Variants in TPH2 observed in about 807,000 individuals in gnomAD.
TPH2 encodes tryptophan hydroxylase 2.
A neutral mutation model predicts 59.1 loss-of-function variants in TPH2; 27 were observed. The observed-to-expected ratio is 0.46, with a 90% CI of 0.34 to 0.63. The LOEUF is 0.63. Ranked by LOEUF, TPH2 falls within the 30% of genes least tolerant of loss-of-function variation. The pLI is 0.01. For synonymous variants in TPH2, 220 were observed against 210.5 expected (o/e 1.05, Z -0.39); for missense variants, 523 against 588.3 (o/e 0.89, Z 1.15).
At chr12:72,017,605 G>A (rs904330837) in intron 8 of TPH2, among the ~76,000 whole-genome samples, 3 of 152,116 alleles carry the variant, frequency 2.0e-5, no homozygotes, top group Admixed American at 2.0e-4. Context: ...AAAGACATTA[G>A]TGGCCAAGAA....
intron 8 of TPH2, among the ~76,000 whole-genome samples, chr12:72,012,699 G>A (rs1242136896): frequency 1.3e-5 from 2 of 152,224 alleles, no homozygotes; most frequent in African/African-American, 2.4e-5. Context: ...AGAGTTTTAA[G>A]TGTGGGCCAA....
At chr12:72,009,915 G>A (rs1481403421) in intron 8 of TPH2, among the ~76,000 whole-genome samples, 1 of 152,174 alleles carries the variant, frequency 6.6e-6, no homozygotes, top group Non-Finnish European at 1.5e-5. Flanking sequence ...AGTCTTTGGG[G>A]GTTAGGCACA....
At position 72,032,262 on chromosome 12, in the gene TPH2, C is replaced by G. The variant is rs776609557; in HGVS notation, c.*567C>G. The G allele has an allele frequency of 5.7e-5, 9 of 158,602 alleles. No individual in the cohort carries two copies. Among genetic ancestry groups the G allele is most frequent in the Non-Finnish European group, 8.4e-5 (6 of 71,700 alleles). 9.8% of individuals were successfully genotyped at this position (158,602 alleles called of 1,614,324 possible). A position where few individuals can be genotyped will look rare whatever the true frequency, so the allele number is the denominator to read the frequency against. On this transcript the variant is annotated 3_prime_UTR_variant, in exon 11 of 11. Transcript: ENST00000333850. ...AGTATTTACACAATGCAAGAAAACA[C>G]CTTTTTACAAATGGAATTATGTAGG...
intron 6 of TPH2, 40 bp from the exon 7 acceptor site, chr12:71,978,912 T>C (rs1566137191): frequency 4.3e-6 from 7 of 1,614,050 alleles, no homozygotes; most frequent in Non-Finnish European, 5.9e-6. Context: ...CAAGTCTTGC[T>C]GGGTTAATAT....
chr12:71,978,222 A>T (rs770788403), intron 6 of TPH2, among the ~76,000 whole-genome samples: 16 of 152,176 alleles, frequency 1.1e-4, no homozygotes, highest in Non-Finnish European at 1.9e-4. Flanking sequence ...ATTTAAAAAA[A>T]AAAAAAGAAT....
chr12:71,969,218 G>T (rs1430980012), intron 5 of TPH2, among the ~76,000 whole-genome samples: 2 of 152,176 alleles, frequency 1.3e-5, no homozygotes, highest in East Asian at 3.9e-4. Context: ...GGGAGGCGGA[G>T]CTTGCAGTGA....
chr12:71,977,173 G>T (rs1370150034), intron 6 of TPH2, among the ~76,000 whole-genome samples: 1 of 152,144 alleles, frequency 6.6e-6, no homozygotes. Context: ...TGCCTCACCT[G>T]TATTCCCCGA....
At chr12:71,961,987 G>A (rs909933075) in intron 5 of TPH2, 13 of 1,029,216 alleles carry the variant, frequency 1.3e-5, no homozygotes, top group South Asian at 1.1e-4. Context: ...ACTCATTTAC[G>A]AAAATTCATG....
intron 8 of TPH2, among the ~76,000 whole-genome samples, chr12:72,018,434 A>G (rs1334046778): frequency 6.6e-6 from 1 of 152,240 alleles, no homozygotes; most frequent in African/African-American, 2.4e-5. Context: ...ATGGTTTGCC[A>G]AATCTATGTG....
chr12:71,983,830 C>G (rs1334385611), intron 7 of TPH2, among the ~76,000 whole-genome samples: 2 of 150,958 alleles, frequency 1.3e-5, no homozygotes, highest in Admixed American at 1.3e-4. Flanking sequence ...CAAACCCTGG[C>G]AACTAGCAGT....
chr12:71,988,803 C>A (rs958754182), intron 7 of TPH2, among the ~76,000 whole-genome samples: 1 of 152,128 alleles, frequency 6.6e-6, no homozygotes, highest in African/African-American at 2.4e-5. Flanking sequence ...TCTTTTTATG[C>A]ATCAGGAAAG....
At chr12:71,952,609 T>TC (rs1018080827) in intron 5 of TPH2, among the ~76,000 whole-genome samples, 1 of 152,078 alleles carries the variant, frequency 6.6e-6, no homozygotes, top group African/African-American at 2.4e-5. Flanking sequence ...TCCAGGGAAT[T>TC]ATAGCCCTCT....
chr12:71,984,752 G>A (rs1428519882), intron 7 of TPH2, among the ~76,000 whole-genome samples: 1 of 152,108 alleles, frequency 6.6e-6, no homozygotes, highest in Non-Finnish European at 1.5e-5. Flanking sequence ...ATTATTACTG[G>A]TGATTCTTGG....
At chr12:71,982,069 T>A (rs189106307) in intron 7 of TPH2, among the ~76,000 whole-genome samples, 2 of 143,144 alleles carry the variant, frequency 1.4e-5, no homozygotes, top group Admixed American at 1.4e-4. Flanking sequence ...AGTGGTGCAA[T>A]CTCAGCTCAC....
At chr12:71,961,138 G>T (rs529179626) in intron 5 of TPH2, among the ~76,000 whole-genome samples, 2 of 152,254 alleles carry the variant, frequency 1.3e-5, no homozygotes, top group African/African-American at 2.4e-5. Context: ...ATGTGTATTG[G>T]TCAAGAGTGG....
chr12:71,962,863 C>T (rs1871726705), intron 5 of TPH2: 1 of 95,744 alleles, frequency 1.0e-5, no homozygotes, highest in Non-Finnish European at 2.3e-5. Flanking sequence ...GAATTACAGG[C>T]ACACGCCACC....
At chr12:72,024,477 G>A (rs576005678) in intron 9 of TPH2, among the ~76,000 whole-genome samples, 20 of 152,330 alleles carry the variant, frequency 1.3e-4, no homozygotes, top group East Asian at 1.2e-3. Context: ...GAATCTATTT[G>A]GTGTTAATCT....
intron 5 of TPH2, chr12:71,962,022 A>C: frequency 9.7e-7 from 1 of 1,031,306 alleles, no homozygotes; most frequent in Non-Finnish European, 1.2e-6. Flanking sequence ...TTGCAAAAGC[A>C]AATAAAATAT....
chr12:71,985,871 T>C (rs1872419681), intron 7 of TPH2, among the ~76,000 whole-genome samples: 1 of 152,156 alleles, frequency 6.6e-6, no homozygotes. Flanking sequence ...TCACAGTTGG[T>C]CTGCCCCATT....
Sources: gnomAD v4.1 joint callset for allele counts (sites outside exome capture counted in the v4.1 genomes callset) on GRCh38, gnomAD v4.1.1 for gene constraint, MANE v1.5 for transcripts, NCBI Gene and HGNC (gene_info 2026-07-23, HGNC 2026-07-21) for gene names.